Variants in USP7 observed in about 807,000 individuals in gnomAD.
The protein encoded by USP7 is ubiquitin C-terminal hydrolase 7.
USP7 carries 9 observed loss-of-function variants against 162.9 expected under a neutral mutation model. The observed-to-expected ratio is 0.06, with a 90% CI of 0.03 to 0.10. The LOEUF (loss-of-function observed/expected upper bound fraction) is 0.10, where lower values mean the gene tolerates loss of function less well. USP7 is among the 10% of genes least tolerant of loss of function. USP7 has a pLI of 1.00. For missense variants in USP7, 715 were observed against 1,373.7 expected, an observed-to-expected ratio of 0.52 and a Z score of 7.58; for synonymous variants, 562 against 475.9, an observed-to-expected ratio of 1.18 and a Z score of -2.35.
At chr16:8,913,517 A>G (rs533901383) in intron 10 of USP7, among the ~76,000 whole-genome samples, 3 of 152,150 alleles carry the variant, frequency 2.0e-5, no homozygotes, top group African/African-American at 7.2e-5. Flanking sequence ...TAGAACGTCT[A>G]ACAGACCGAA....
At position 8,920,388 on chromosome 16, in the gene USP7, A is replaced by G. The variant is rs756898166; in HGVS notation, c.582T>C (p.Phe194=). The G allele has an allele frequency of 1.9e-6, 3 of 1,613,448 alleles. No individual in the cohort carries two copies. The highest frequency in any genetic ancestry group is 2.5e-6 in the Non-Finnish European group (3 of 1,179,844). Residue 194 remains phenylalanine (F), a synonymous_variant, in exon 5 of 31, where the codon TTT becomes TTC. Coordinates refer to ENST00000344836, the MANE Select transcript of USP7 (RefSeq NM_003470.3). ...CTCCATGGGGAGCATCCGCCTGTAC[A>G]AAGACTTCAAAGGTAACTTTGTCAT... ...IDDDKVTFEV[F]VQADAPHGVA...
intron 6 of USP7, among the ~76,000 whole-genome samples, chr16:8,918,387 A>T (rs919683414): frequency 6.6e-6 from 1 of 152,250 alleles, no homozygotes; most frequent in Non-Finnish European, 1.5e-5. Flanking sequence ...AAAATTTTCA[A>T]TAAAAGTAAG....
intron 1 of USP7, among the ~76,000 whole-genome samples, chr16:8,938,211 A>C (rs1898857572): frequency 6.6e-6 from 1 of 152,158 alleles, no homozygotes; most frequent in African/African-American, 2.4e-5. Context: ...AAATATGGAT[A>C]TTCCCAAAAT....
chr16:8,916,969 TAAAAAAAAA>T (rs34357840), intron 7 of USP7, 48 bp downstream of exon 7: 2 of 1,294,742 alleles, frequency 1.5e-6, no homozygotes, highest in Non-Finnish European at 2.0e-6. Flanking sequence ...TCACTTGTCC[TAAAAAAAAA>T]AAAAAAAAGA....
chr16:8,962,523 G>A (rs890171079), intron 1 of USP7: 4 of 448,740 alleles, frequency 8.9e-6, no homozygotes, highest in Admixed American at 4.8e-5. Context: ...GTGCGGCAGG[G>A]CTTTCGCACG....
rs546000803 is a variant in USP7 at position 8,897,233 on chromosome 16, C to T, written c.2719-134G>A. 5 of 677,282 alleles carry T rather than the reference C, an allele frequency of 7.4e-6. No homozygotes were observed. In the East Asian group the frequency reaches 1.0e-4, roughly 14 times the overall value. 42.0% of individuals were successfully genotyped at this position (677,282 alleles called of 1,614,324 possible). A position where few individuals can be genotyped will look rare whatever the true frequency, so the allele number is the denominator to read the frequency against. Reference sequence around the variant, plus strand: ...GGCCCCCATGTTCTTGCTCTCATTCCCACCCCAACTCCCTCATCTGTGAAT... The same window carrying T: ...GGCCCCCATGTTCTTGCTCTCATTCTCACCCCAACTCCCTCATCTGTGAAT... On this transcript the variant is annotated intron_variant, in intron 25 of 30. Transcript: ENST00000344836.
chr16:8,898,476 C>CA, intron 24 of USP7, 39 bp from the exon 25 acceptor site: 1 of 1,606,246 alleles, frequency 6.2e-7, no homozygotes, highest in Non-Finnish European at 8.5e-7. Flanking sequence ...ATACCGTCAC[C>CA]AAAACCCCGA....
At chr16:8,962,495 T>C in intron 1 of USP7, 2 of 451,866 alleles carry the variant, frequency 4.4e-6, no homozygotes, top group Non-Finnish European at 8.9e-6. Context: ...CAGGTTTGAT[T>C]CTGATGCAGG....
chr16:8,910,647 C>A, intron 11 of USP7, 98 bp downstream of exon 11: 1 of 1,063,928 alleles, frequency 9.4e-7, no homozygotes. Context: ...ACCAGAAACA[C>A]ATGAAAAGGC....
At chr16:8,909,836 G>T (rs1297034119) in intron 11 of USP7, among the ~76,000 whole-genome samples, 1 of 152,138 alleles carries the variant, frequency 6.6e-6, no homozygotes, top group Admixed American at 6.5e-5. Context: ...TGAGGTAGAA[G>T]AATCACTTGA....
At chr16:8,918,167 C>G (rs1313979490) in intron 6 of USP7, among the ~76,000 whole-genome samples, 1 of 152,086 alleles carries the variant, frequency 6.6e-6, no homozygotes, top group South Asian at 2.1e-4. Context: ...CTAGAATTAC[C>G]CATGCTGAGC....
intron 1 of USP7, among the ~76,000 whole-genome samples, chr16:8,961,501 A>AG (rs1900008308): frequency 1.3e-5 from 1 of 78,258 alleles, no homozygotes; most frequent in Admixed American, 1.4e-4. Flanking sequence ...TCAAAAAAAA[A>AG]AAAGGGGGGG....
intron 10 of USP7, among the ~76,000 whole-genome samples, chr16:8,913,964 C>T (rs1038045734): frequency 6.6e-6 from 1 of 151,914 alleles, no homozygotes; most frequent in Non-Finnish European, 1.5e-5. Context: ...CCTCAAACTC[C>T]TGGGTTCAAG....
At chr16:8,954,145 T>C (rs1241657315) in intron 1 of USP7, among the ~76,000 whole-genome samples, 2 of 34,502 alleles carry the variant, frequency 5.8e-5, no homozygotes. Context: ...GCGGCGCCAC[T>C]GGAGGCAGAG....
Position 8,894,768 on chromosome 16 carries a change from G to A in USP7, c.3111+16C>T, listed in dbSNP as rs371829601. On this transcript the variant is annotated intron_variant, in intron 29 of 30. Coordinates refer to ENST00000344836, the MANE Select transcript of USP7 (RefSeq NM_003470.3). ...CCTATGGCCCGCCAAGCCCCCAGGA[G>A]GCCCCAGCTGCACACCTTCTCAAAC... 5 of 1,614,110 alleles carry A rather than the reference G, an allele frequency of 3.1e-6. No individual in the cohort carries two copies. In the African/African-American group the frequency reaches 4.0e-5, roughly 13 times the overall value.
Position 8,953,541 on chromosome 16 carries a change from G to A in USP7, c.79+9666C>T, listed in dbSNP as rs886588566. On this transcript the variant is annotated intron_variant, in intron 1 of 30. Coordinates refer to ENST00000344836, the MANE Select transcript of USP7 (RefSeq NM_003470.3). ...GCCACTGGAAGCAGAGGGAAGACAC[G>A]TGCCCCATGCGGCGCCACCGGAAGC... Among the ~76,000 whole-genome samples, 9 of 131,778 alleles carry A rather than the reference G, an allele frequency of 6.8e-5. 1 individual carries two copies. Among genetic ancestry groups the A allele is most frequent in the South Asian group, 4.8e-4 (2 of 4,142 alleles). The allele number at this position is 131,778 out of a possible 152,430, so 86.5% of individuals were successfully genotyped here.
chr16:8,899,922 T>G, intron 21 of USP7, 165 bp from the exon 22 acceptor site: 2 of 795,250 alleles, frequency 2.5e-6, no homozygotes, highest in South Asian at 3.1e-5. Flanking sequence ...GCTCCCTCTG[T>G]AAGCGAGGCA....
chr16:8,930,463 T>A, intron 1 of USP7, 66 bp from the exon 2 acceptor site: 1 of 1,179,788 alleles, frequency 8.5e-7, no homozygotes, highest in Non-Finnish European at 1.2e-6. Context: ...AAGCAAAATA[T>A]AAACTTATAC....
At chr16:8,938,617 C>A (rs1898886195) in intron 1 of USP7, among the ~76,000 whole-genome samples, 1 of 151,512 alleles carries the variant, frequency 6.6e-6, no homozygotes, top group Non-Finnish European at 1.5e-5. Flanking sequence ...GAGGCTGAGG[C>A]AGGAGAATGG....
Sources: gnomAD v4.1 joint callset for allele counts (sites outside exome capture counted in the v4.1 genomes callset) on GRCh38, gnomAD v4.1.1 for gene constraint, MANE v1.5 for transcripts, NCBI Gene and HGNC (gene_info 2026-07-23, HGNC 2026-07-21) for gene names.